The following SLC41A3 variants were observed in gnomAD, a reference collection of about 807,000 sequenced individuals.
SLC41A3 encodes the protein SLC41A1-like 2.
A neutral mutation model predicts 45.4 loss-of-function variants in SLC41A3; 44 were observed. That is an observed-to-expected ratio of 0.97 (90% CI 0.76 to 1.25). The LOEUF (loss-of-function observed/expected upper bound fraction) is 1.25, where lower values mean the gene tolerates loss of function less well. Ranked by LOEUF, SLC41A3 falls within the 50% of genes most tolerant of loss-of-function variation. The pLI is 0.00. For missense variants in SLC41A3, 550 were observed against 600.6 expected, an observed-to-expected ratio of 0.92 and a Z score of 0.88; for synonymous variants, 256 against 252.4, an observed-to-expected ratio of 1.01 and a Z score of -0.13.
chr3:126,097,187 T>C (rs536070168), intron 1 of SLC41A3, among the ~76,000 whole-genome samples: 1 of 152,304 alleles, frequency 6.6e-6, no homozygotes, highest in Non-Finnish European at 1.5e-5. Flanking sequence ...CCTTTTAGAA[T>C]TGAGCATGTG....
At chr3:126,073,703 T>A (rs577684233) in intron 1 of SLC41A3, among the ~76,000 whole-genome samples, 1 of 152,092 alleles carries the variant, frequency 6.6e-6, no homozygotes, top group South Asian at 2.1e-4. Flanking sequence ...GATCTACAGA[T>A]AAAGAGATTG....
intron 1 of SLC41A3, among the ~76,000 whole-genome samples, chr3:126,075,453 T>TCTCC (rs1197741645): frequency 1.3e-5 from 2 of 151,742 alleles, no homozygotes; most frequent in African/African-American, 2.4e-5. Flanking sequence ...TTTTTTTCTT[T>TCTCC]CTCCCTCCCT....
rs1941386014 is a variant in SLC41A3 at position 126,026,710 on chromosome 3, G to A, written c.454-231C>T. ...GCTGGCCACCTCTGCTCCCTTGCTA[G>A]GCACTGCCTTCAAGAGCAGAATCTA... is the stretch of plus-strand genomic sequence containing the variant. On this transcript the variant is annotated intron_variant, in intron 4 of 10. Coordinates refer to ENST00000360370, the MANE Select transcript of SLC41A3 (RefSeq NM_017836.4). The surrounding 1 kb of genome is among the most constrained non-coding windows in gnomAD (Gnocchi z 4.2). Among the ~76,000 whole-genome samples, 1 of 152,150 alleles carries A rather than the reference G, an allele frequency of 6.6e-6. No homozygotes were observed. The highest frequency in any genetic ancestry group is 2.4e-5 in the African/African-American group (1 of 41,412).
chr3:126,083,381 T>C (rs1945260640), intron 1 of SLC41A3, among the ~76,000 whole-genome samples: 1 of 152,110 alleles, frequency 6.6e-6, no homozygotes, highest in South Asian at 2.1e-4. Flanking sequence ...TAAAGTCATA[T>C]GGAAAAAACT....
intron 2 of SLC41A3, among the ~76,000 whole-genome samples, chr3:126,062,084 G>C (rs1433911443): frequency 2.0e-5 from 3 of 152,174 alleles, no homozygotes; most frequent in South Asian, 2.1e-4. Context: ...CCTTCAAGGA[G>C]GGAAATTTAT....
intron 1 of SLC41A3, chr3:126,070,134 C>G (rs536981382): frequency 1.3e-5 from 2 of 152,146 alleles, no homozygotes; most frequent in Non-Finnish European, 2.9e-5. Flanking sequence ...GAGTAAACTC[C>G]GAGAGAGCAC....
chr3:126,089,935 C>G (rs966595849), intron 1 of SLC41A3, among the ~76,000 whole-genome samples: 1 of 151,154 alleles, frequency 6.6e-6, no homozygotes, highest in Non-Finnish European at 1.5e-5. Context: ...ATAGACAGCT[C>G]TCATGAGCTG....
intron 3 of SLC41A3, among the ~76,000 whole-genome samples, chr3:126,041,963 C>G (rs1010607726): frequency 6.6e-6 from 1 of 152,140 alleles, no homozygotes; most frequent in African/African-American, 2.4e-5. Context: ...TGCACCACCC[C>G]CTCCTCCACA....
intron 1 of SLC41A3, among the ~76,000 whole-genome samples, chr3:126,079,279 GACACAC>G (rs63354060): frequency 3.6e-4 from 52 of 145,994 alleles, no homozygotes; most frequent in Admixed American, 1.0e-3. Flanking sequence ...AAGGGTAAGG[GACACAC>G]ACACACACAC....
At chr3:126,048,489 C>T (rs965204199) in intron 3 of SLC41A3, among the ~76,000 whole-genome samples, 2 of 152,166 alleles carry the variant, frequency 1.3e-5, no homozygotes, top group African/African-American at 4.8e-5. Flanking sequence ...ATTTGTTTTA[C>T]AGTTTTCTAA....
intron 1 of SLC41A3, among the ~76,000 whole-genome samples, chr3:126,089,504 G>A (rs764343023): frequency 2.6e-5 from 4 of 152,154 alleles, no homozygotes; most frequent in Non-Finnish European, 4.4e-5. Flanking sequence ...AAAACTAAGG[G>A]CATGTAAATC....
intron 10 of SLC41A3, among the ~76,000 whole-genome samples, chr3:126,008,268 A>T (rs1939317752): frequency 6.6e-6 from 1 of 152,250 alleles, no homozygotes; most frequent in Non-Finnish European, 1.5e-5. Context: ...TACGTAGCGT[A>T]AGCTGTATAG....
chr3:126,017,557 C>T lies in SLC41A3; in HGVS notation c.746-682G>A, dbSNP rs148392695. Among the ~76,000 whole-genome samples the T allele has an allele frequency of 4.9e-3, 745 of 152,338 alleles. 5 individuals are homozygous for T. The highest frequency in any genetic ancestry group is 7.6e-3 in the Non-Finnish European group (516 of 68,032). ...ACAAGCCTGACACACTCGGGCATCTCGTGCATTCATTCCTCCCTTTCTGTG... is the reference window on the plus strand; with the variant it reads ...ACAAGCCTGACACACTCGGGCATCTTGTGCATTCATTCCTCCCTTTCTGTG... On this transcript the variant is annotated intron_variant, in intron 6 of 10. Coordinates refer to ENST00000360370, the MANE Select transcript of SLC41A3 (RefSeq NM_017836.4).
At position 126,092,327 on chromosome 3, in the gene SLC41A3, G is replaced by A. The variant is rs543925056; in HGVS notation, c.-79+9102C>T. Among the ~76,000 whole-genome samples the A allele has an allele frequency of 1.0e-3, 159 of 152,394 alleles. 1 individual carries two copies. Among genetic ancestry groups the A allele is most frequent in the African/African-American group, 3.4e-3 (142 of 41,596 alleles). ...TGAGCAATCTGTGCCTTAAGGGCAT[G>A]TTCCTGCTGCAGATAACTAGCCAGA... On this transcript the variant is annotated intron_variant, in intron 1 of 9. Coordinates refer to the SLC41A3 transcript ENST00000508835.
chr3:126,018,479 C>A (rs1402520342), intron 6 of SLC41A3, among the ~76,000 whole-genome samples: 1 of 152,220 alleles, frequency 6.6e-6, no homozygotes. Flanking sequence ...GCAGGCAACA[C>A]CAGGATGGCA....
At chr3:126,037,280 T>C (rs1029667209) in intron 3 of SLC41A3, among the ~76,000 whole-genome samples, 3 of 152,206 alleles carry the variant, frequency 2.0e-5, no homozygotes, top group East Asian at 1.9e-4. Flanking sequence ...CAGAAGCAGA[T>C]GCCACCACTA....
chr3:126,047,049 C>T (rs780979466), intron 3 of SLC41A3, among the ~76,000 whole-genome samples: 1 of 151,038 alleles, frequency 6.6e-6, no homozygotes, highest in Non-Finnish European at 1.5e-5. Flanking sequence ...AAAACCTAAA[C>T]ATTAAAATAT....
At chr3:126,043,043 T>G (rs1252439729) in intron 3 of SLC41A3, among the ~76,000 whole-genome samples, 5 of 148,936 alleles carry the variant, frequency 3.4e-5, no homozygotes, top group Admixed American at 3.3e-4. Context: ...TATAGAAATG[T>G]AAGGTATATG....
chr3:126,041,271 G>A (rs556280256), intron 3 of SLC41A3, among the ~76,000 whole-genome samples: 3 of 151,628 alleles, frequency 2.0e-5, no homozygotes, highest in East Asian at 1.9e-4. Context: ...AGTTATGGAG[G>A]GGGGGTGGGG....
Sources: gnomAD v4.1 joint callset for allele counts (sites outside exome capture counted in the v4.1 genomes callset) on GRCh38, gnomAD v4.1.1 for gene constraint, Gnocchi (gnomAD v3.1) non-coding constraint, MANE v1.5 for transcripts, NCBI Gene and HGNC (gene_info 2026-07-23, HGNC 2026-07-21) for gene names.